The following ZNF536 variants were observed in gnomAD, a reference collection of about 807,000 sequenced individuals.
ZNF536 encodes the protein zinc finger protein 536.
ZNF536 carries 13 observed loss-of-function variants against 84.5 expected under a neutral mutation model. That is an observed-to-expected ratio of 0.15 (90% CI 0.10 to 0.24). ZNF536 has a LOEUF of 0.24. ZNF536 is among the 10% of genes least tolerant of loss of function. ZNF536 has a pLI of 1.00. For missense variants in ZNF536, 1,536 were observed against 1,747.5 expected, an observed-to-expected ratio of 0.88 and a Z score of 2.16; for synonymous variants, 811 against 742.5, an observed-to-expected ratio of 1.09 and a Z score of -1.50.
chr19:30,557,322 G>T lies in ZNF536; in HGVS notation c.*158G>T. The T allele has an allele frequency of 1.3e-6, 1 of 767,724 alleles. No homozygotes were observed. Among genetic ancestry groups the T allele is most frequent in the Non-Finnish European group, 2.2e-6 (1 of 456,376 alleles). The allele number at this position is 767,724 out of a possible 1,614,324, so 47.6% of individuals were successfully genotyped here. On this transcript the variant is annotated 3_prime_UTR_variant, in exon 5 of 5. Transcript: ENST00000355537. ...TTGGCATAGGTATGTGTATACACAC[G>T]GTGCACCAATCTACAGTATATATAG...
intron 2 of ZNF536, among the ~76,000 whole-genome samples, chr19:30,481,815 C>T (rs1185369695): frequency 6.6e-6 from 1 of 152,048 alleles, no homozygotes; most frequent in African/African-American, 2.4e-5. Context: ...TCTTTTATCC[C>T]TCACCCCTCC....
At chr19:30,296,163 A>G (rs889858785) in intron 2 of ZNF536, 1 of 152,226 alleles carries the variant, frequency 6.6e-6, no homozygotes, top group African/African-American at 2.4e-5. Context: ...AGAGATGAGT[A>G]TTTGATGCTA....
intron 2 of ZNF536, among the ~76,000 whole-genome samples, chr19:30,455,654 T>C (rs2052806633): frequency 1.3e-5 from 2 of 152,172 alleles, no homozygotes; most frequent in Admixed American, 6.5e-5. Context: ...TGAGATGAGA[T>C]TGTGTCACTG....
chr19:30,396,164 A>G lies in ZNF536; in HGVS notation c.-3+23608A>G, dbSNP rs907618694. Among the ~76,000 whole-genome samples, 6 of 152,170 alleles carry G rather than the reference A, an allele frequency of 3.9e-5. No individual in the cohort carries two copies. The East Asian group carries it at 7.7e-4, about 20-fold the overall frequency. ...TAAAAAAAATGACTTCTCACCAAAT[A>G]ACAAATGCCAGTCACCAAAAATCCC... On this transcript the variant is annotated intron_variant, in intron 1 of 4. Coordinates refer to ENST00000355537, the MANE Select transcript of ZNF536 (RefSeq NM_014717.3).
intron 1 of ZNF536, among the ~76,000 whole-genome samples, chr19:30,597,596 T>A (rs144216154): frequency 8.5e-5 from 13 of 152,306 alleles, no homozygotes; most frequent in African/African-American, 2.9e-4. Flanking sequence ...TTTGTAGCTG[T>A]GTGATCTCCA....
intron 2 of ZNF536, among the ~76,000 whole-genome samples, chr19:30,509,831 CA>C (rs780917454): frequency 3.3e-4 from 50 of 152,194 alleles, no homozygotes; most frequent in Non-Finnish European, 5.6e-4. Context: ...ACTACTTCAT[CA>C]GGGGAAGAAG....
chr19:30,314,721 G>A (rs540633901), intron 2 of ZNF536, among the ~76,000 whole-genome samples: 1 of 152,268 alleles, frequency 6.6e-6, no homozygotes, highest in East Asian at 1.9e-4. Context: ...GCAAGGTGTT[G>A]GGTAGGTGGT....
At chr19:30,545,384 TC>T (rs1403107651) in intron 3 of ZNF536, among the ~76,000 whole-genome samples, 1 of 138,868 alleles carries the variant, frequency 7.2e-6, no homozygotes, top group Non-Finnish European at 1.5e-5. Flanking sequence ...CTCCCATATG[TC>T]TTTTTTTTTT....
chr19:30,367,177 C>T (rs11666859), intron 3 of ZNF536, among the ~76,000 whole-genome samples: 43,128 of 152,116 alleles, frequency 0.28, 6,288 homozygotes, highest in Middle Eastern at 0.5. Context: ...AAAGACCCTC[C>T]GCCACATCCC....
At chr19:30,349,254 T>C (rs1012397845) in intron 2 of ZNF536, among the ~76,000 whole-genome samples, 7 of 152,210 alleles carry the variant, frequency 4.6e-5, no homozygotes, top group Non-Finnish European at 7.3e-5. Flanking sequence ...GCTGCAAAGA[T>C]TGGGTAAGTA....
intron 4 of ZNF536, among the ~76,000 whole-genome samples, chr19:30,550,478 A>T (rs1463788962): frequency 6.6e-6 from 1 of 152,170 alleles, no homozygotes. Flanking sequence ...TCCTCACCAG[A>T]GACAAATGAC....
chr19:30,264,987 G>C (rs547731474), intron 1 of ZNF536, among the ~76,000 whole-genome samples: 76 of 151,134 alleles, frequency 5.0e-4, no homozygotes, highest in Non-Finnish European at 9.0e-4. Flanking sequence ...GAGAGAAAGA[G>C]AGATTCATTG....
Position 30,229,973 on chromosome 19 carries a change from C to T in ZNF536, c.-190+1300C>T, listed in dbSNP as rs184418577. 5.1e-3 allele frequency among the ~76,000 whole-genome samples: 784 copies of T among 152,296 alleles called. 9 individuals are homozygous for T. Among genetic ancestry groups the T allele is most frequent in the African/African-American group, 0.016 (679 of 41,558 alleles). On this transcript the variant is annotated intron_variant, in intron 1 of 5. Transcript: ENST00000585628. ...AAGTTTAGAAAACTTTTAAGACTTT[C>T]ATTTCCAGAAGACCCTTAATCTGGT... is the stretch of plus-strand genomic sequence containing the variant.
intron 1 of ZNF536, among the ~76,000 whole-genome samples, chr19:30,586,490 A>G (rs1019433814): frequency 6.6e-6 from 1 of 152,352 alleles, no homozygotes; most frequent in East Asian, 1.9e-4. Flanking sequence ...GCACCTTTTG[A>G]AAATCAACTC....
chr19:30,229,757 A>G (rs1382716883), intron 1 of ZNF536, among the ~76,000 whole-genome samples: 4 of 152,184 alleles, frequency 2.6e-5, no homozygotes, highest in African/African-American at 9.7e-5. Context: ...CTTGGTAATG[A>G]TAGCACTGAC....
At chr19:30,594,211 C>T (rs1024550451) in intron 1 of ZNF536, among the ~76,000 whole-genome samples, 1 of 152,226 alleles carries the variant, frequency 6.6e-6, no homozygotes, top group Non-Finnish European at 1.5e-5. Flanking sequence ...TAGCTGTCAC[C>T]ATGCCCAGGA....
intron 2 of ZNF536, among the ~76,000 whole-genome samples, chr19:30,286,136 C>T (rs1355992416): frequency 1.3e-5 from 2 of 152,186 alleles, no homozygotes; most frequent in Non-Finnish European, 1.5e-5. Context: ...TAGCGTCTTC[C>T]ACTTAAATCC....
intron 2 of ZNF536, among the ~76,000 whole-genome samples, chr19:30,520,286 G>A (rs554464190): frequency 3.2e-4 from 48 of 152,304 alleles, no homozygotes; most frequent in African/African-American, 1.1e-3. Context: ...CTCGGGGTAG[G>A]GGATGAGCCA....
At chr19:30,280,293 T>A (rs2145618039) in intron 1 of ZNF536, among the ~76,000 whole-genome samples, 1 of 151,958 alleles carries the variant, frequency 6.6e-6, no homozygotes, top group Non-Finnish European at 1.5e-5. Flanking sequence ...TTTGCATCCA[T>A]CTTCATCCTT....
Sources: allele counts gnomAD v4.1 joint callset (sites outside exome capture counted in the v4.1 genomes callset), GRCh38; gene constraint gnomAD v4.1.1; transcripts MANE v1.5; gene names NCBI Gene and HGNC (gene_info 2026-07-23, HGNC 2026-07-21).